The following SPAG16 variants were observed in gnomAD, a reference collection of about 807,000 sequenced individuals.
SPAG16 encodes sperm associated antigen 16, also known as sperm-associated antigen 16 protein.
Under a neutral mutation model 80.4 loss-of-function variants are expected in SPAG16, and 86 were observed. The observed-to-expected ratio is 1.07, with a 90% CI of 0.90 to 1.28. SPAG16 has a LOEUF of 1.28. SPAG16 is among the 50% of genes most tolerant of loss of function. The probability of loss-of-function intolerance (pLI) is 0.00; values close to 1 mark genes in which losing one functional copy is unlikely to be tolerated. For synonymous variants in SPAG16, 294 were observed against 265.9 expected (o/e 1.11, Z -1.03); for missense variants, 870 against 765.3 (o/e 1.14, Z -1.61).
intron 5 of SPAG16, among the ~76,000 whole-genome samples, chr2:213,319,667 T>G (rs1477767219): frequency 6.6e-6 from 1 of 152,004 alleles, no homozygotes; most frequent in Non-Finnish European, 1.5e-5. Flanking sequence ...CTCCTTTGAA[T>G]TATTGCTTGA....
intron 14 of SPAG16, among the ~76,000 whole-genome samples, chr2:214,128,988 C>G (rs1340960150): frequency 6.6e-6 from 1 of 151,806 alleles, no homozygotes; most frequent in Non-Finnish European, 1.5e-5. Flanking sequence ...TTCATTCTGT[C>G]TGTTAGGGCA....
chr2:213,478,878 T>A (rs1488656388), intron 9 of SPAG16, among the ~76,000 whole-genome samples: 3 of 152,076 alleles, frequency 2.0e-5, no homozygotes, highest in African/African-American at 7.2e-5. Context: ...TTAAATAATC[T>A]TACTAAGGGT....
chr2:213,734,823 T>C (rs1010574714), intron 10 of SPAG16, among the ~76,000 whole-genome samples: 3 of 152,174 alleles, frequency 2.0e-5, no homozygotes, highest in Non-Finnish European at 2.9e-5. Flanking sequence ...TTTTGAAAAG[T>C]AGCATATCCA....
chr2:214,278,202 T>A (rs528351854), intron 15 of SPAG16, among the ~76,000 whole-genome samples: 55 of 152,144 alleles, frequency 3.6e-4, no homozygotes, highest in African/African-American at 1.3e-3. Context: ...AGTGCCCCAT[T>A]TTTCCAGGTA....
At chr2:213,518,136 G>A (rs2075512286) in intron 10 of SPAG16, among the ~76,000 whole-genome samples, 1 of 152,262 alleles carries the variant, frequency 6.6e-6, no homozygotes, top group Non-Finnish European at 1.5e-5. Context: ...AATGGGCAAA[G>A]GACCTGAATA....
chr2:213,871,617 C>A (rs2075948452), intron 11 of SPAG16, among the ~76,000 whole-genome samples: 3 of 151,878 alleles, frequency 2.0e-5, no homozygotes, highest in African/African-American at 7.3e-5. Flanking sequence ...CTTGCACAAG[C>A]AGGAGGTAAA....
chr2:213,342,172 A>T (rs2064718387), intron 6 of SPAG16, among the ~76,000 whole-genome samples: 1 of 151,730 alleles, frequency 6.6e-6, no homozygotes, highest in African/African-American at 2.4e-5. Context: ...AGATTACAGT[A>T]TATATAGTTT....
intron 9 of SPAG16, among the ~76,000 whole-genome samples, chr2:213,436,239 AACAATTTCTAG>A (rs2070631665): frequency 6.6e-6 from 1 of 152,194 alleles, no homozygotes; most frequent in Non-Finnish European, 1.5e-5. Flanking sequence ...GGCAATTAAA[AACAATTTCTAG>A]CGGTTTTCAC....
intron 15 of SPAG16, among the ~76,000 whole-genome samples, chr2:214,385,362 A>AATCTT (rs1344502199): frequency 1.3e-5 from 2 of 152,194 alleles, no homozygotes; most frequent in East Asian, 1.9e-4. Flanking sequence ...ACATTATGTA[A>AATCTT]ATCTTATATA....
At chr2:213,990,008 A>T (rs2046200507) in intron 12 of SPAG16, among the ~76,000 whole-genome samples, 1 of 152,106 alleles carries the variant, frequency 6.6e-6, no homozygotes, top group Non-Finnish European at 1.5e-5. Flanking sequence ...TCAATAATTT[A>T]TATATTATTC....
At chr2:213,480,607 A>G (rs552372737) in intron 9 of SPAG16, among the ~76,000 whole-genome samples, 25 of 152,308 alleles carry the variant, frequency 1.6e-4, no homozygotes, top group African/African-American at 5.1e-4. Flanking sequence ...CTTTGGTGTA[A>G]AGCATTGTCT....
At chr2:213,333,544 A>C (rs753117380) in intron 5 of SPAG16, among the ~76,000 whole-genome samples, 4 of 152,196 alleles carry the variant, frequency 2.6e-5, no homozygotes, top group Non-Finnish European at 5.9e-5. Flanking sequence ...AGAATAGGCA[A>C]AGCTATCCTA....
At chr2:214,319,534 A>G (rs1457387220) in intron 15 of SPAG16, among the ~76,000 whole-genome samples, 1 of 151,976 alleles carries the variant, frequency 6.6e-6, no homozygotes, top group African/African-American at 2.4e-5. Context: ...ATAGGAATTA[A>G]TGAAGGACTA....
At chr2:213,651,953 C>T (rs1426603856) in intron 10 of SPAG16, among the ~76,000 whole-genome samples, 2 of 152,130 alleles carry the variant, frequency 1.3e-5, no homozygotes, top group Non-Finnish European at 1.5e-5. Context: ...AGTAATACCC[C>T]AGACTACTCT....
chr2:213,320,861 A>G (rs2063582425), intron 5 of SPAG16, among the ~76,000 whole-genome samples: 1 of 151,960 alleles, frequency 6.6e-6, no homozygotes, highest in Admixed American at 6.6e-5. Flanking sequence ...GCTATTGTGA[A>G]TAGTGCTGCA....
At chr2:213,961,186 T>C (rs2044398130) in intron 12 of SPAG16, among the ~76,000 whole-genome samples, 2 of 152,220 alleles carry the variant, frequency 1.3e-5, no homozygotes, top group African/African-American at 4.8e-5. Context: ...GAAGAAAGAT[T>C]CCTGGTGCTT....
intron 10 of SPAG16, among the ~76,000 whole-genome samples, chr2:213,848,782 C>T (rs942032778): frequency 2.0e-5 from 3 of 152,260 alleles, no homozygotes; most frequent in Non-Finnish European, 4.4e-5. Context: ...CCCTTGCCAG[C>T]ATCTCAAATT....
chr2:213,933,560 G>A (rs971242070), intron 12 of SPAG16, among the ~76,000 whole-genome samples: 1 of 152,206 alleles, frequency 6.6e-6, no homozygotes, highest in African/African-American at 2.4e-5. Flanking sequence ...CGAAGGAGAA[G>A]GGGTCGGAAA....
At chr2:213,405,146 T>G (rs1409675741) in intron 9 of SPAG16, among the ~76,000 whole-genome samples, 3 of 152,214 alleles carry the variant, frequency 2.0e-5, no homozygotes, top group African/African-American at 7.2e-5. Context: ...TAAGGTTTAC[T>G]TAAGTGCCAG....
Sources: gnomAD v4.1 joint callset for allele counts (sites outside exome capture counted in the v4.1 genomes callset) on GRCh38, gnomAD v4.1.1 for gene constraint, MANE v1.5 for transcripts, NCBI Gene and HGNC (gene_info 2026-07-23, HGNC 2026-07-21) for gene names.